RBFOX1: variants seen among roughly 807,000 people sequenced by gnomAD.
RBFOX1 encodes the protein RNA binding protein fox-1 homolog 1.
RBFOX1 carries 8 observed loss-of-function variants against 57.7 expected under a neutral mutation model. The observed-to-expected ratio is 0.14, with a 90% confidence interval of 0.08 to 0.25. The LOEUF (loss-of-function observed/expected upper bound fraction) is 0.25, where lower values mean the gene tolerates loss of function less well. RBFOX1 is among the 10% of genes least tolerant of loss of function. The probability of loss-of-function intolerance (pLI) is 1.00; values close to 1 mark genes in which losing one functional copy is unlikely to be tolerated. For missense variants in RBFOX1, 611 were observed against 548.5 expected, an observed-to-expected ratio of 1.11 and a Z score of -1.14; for synonymous variants, 326 against 222.4, an observed-to-expected ratio of 1.47 and a Z score of -4.15.
chr16:6,562,808 A>G (rs942457570), intron 2 of RBFOX1, among the ~76,000 whole-genome samples: 8 of 143,730 alleles, frequency 5.6e-5, no homozygotes, highest in African/African-American at 2.1e-4. Flanking sequence ...TGTGTAAGCA[A>G]CTGCAGGCCT....
At chr16:6,921,311 C>G (rs544871479) in intron 3 of RBFOX1, among the ~76,000 whole-genome samples, 10 of 152,314 alleles carry the variant, frequency 6.6e-5, no homozygotes, top group South Asian at 6.2e-4. Flanking sequence ...TTTGTTCATG[C>G]TCTCACATGA....
chr16:5,989,303 C>T (rs979497300), intron 4 of RBFOX1, among the ~76,000 whole-genome samples: 13 of 151,892 alleles, frequency 8.6e-5, no homozygotes, highest in East Asian at 5.8e-4. Flanking sequence ...TGCACTGCAG[C>T]CTGGGTGACA....
intron 2 of RBFOX1, among the ~76,000 whole-genome samples, chr16:6,608,578 C>G (rs909836125): frequency 2.3e-4 from 35 of 152,080 alleles, no homozygotes; most frequent in Admixed American, 1.4e-3. Flanking sequence ...CGCTTGAGAC[C>G]AGGAGTTTGA....
At chr16:6,999,690 T>C (rs990878151) in intron 3 of RBFOX1, among the ~76,000 whole-genome samples, 1 of 152,080 alleles carries the variant, frequency 6.6e-6, no homozygotes, top group African/African-American at 2.4e-5. Flanking sequence ...AATATACTAT[T>C]ATTATTAAAT....
chr16:6,676,783 C>T (rs1420784662), intron 3 of RBFOX1, among the ~76,000 whole-genome samples: 3 of 145,048 alleles, frequency 2.1e-5, no homozygotes, highest in African/African-American at 7.7e-5. Flanking sequence ...TGAAGCATTT[C>T]TCCTGCCTCA....
intron 3 of RBFOX1, among the ~76,000 whole-genome samples, chr16:6,730,978 T>C (rs2068435112): frequency 6.6e-6 from 1 of 152,174 alleles, no homozygotes; most frequent in Non-Finnish European, 1.5e-5. Flanking sequence ...GAGGAAACAC[T>C]GCTTTTGTTA....
chr16:6,733,160 C>G (rs375161699), intron 3 of RBFOX1, among the ~76,000 whole-genome samples: 7 of 152,168 alleles, frequency 4.6e-5, no homozygotes, highest in African/African-American at 1.7e-4. Context: ...TGAGAACAGC[C>G]AACCCCTCAT....
At chr16:7,196,205 A>G (rs2086657153) in intron 4 of RBFOX1, among the ~76,000 whole-genome samples, 1 of 152,288 alleles carries the variant, frequency 6.6e-6, no homozygotes, top group East Asian at 1.9e-4. Flanking sequence ...CCATAGTCAG[A>G]ATGGTAATAA....
At chr16:5,287,905 G>C (rs1043621227) in intron 1 of RBFOX1, among the ~76,000 whole-genome samples, 10 of 152,216 alleles carry the variant, frequency 6.6e-5, no homozygotes, top group African/African-American at 2.2e-4. Flanking sequence ...ATCCATTAAT[G>C]TACCTTAATC....
chr16:6,176,480 A>T (rs1254352856), intron 1 of RBFOX1, among the ~76,000 whole-genome samples: 2 of 151,240 alleles, frequency 1.3e-5, no homozygotes, highest in African/African-American at 4.9e-5. Context: ...GAATTTAGTT[A>T]AAGTTGCTGT....
intron 3 of RBFOX1, among the ~76,000 whole-genome samples, chr16:6,882,711 T>A (rs995684094): frequency 2.0e-5 from 3 of 152,146 alleles, no homozygotes; most frequent in Non-Finnish European, 4.4e-5. Context: ...TTGGGATATT[T>A]GGAGTCTGAC....
chr16:6,999,219 T>TA (rs2092564789), intron 3 of RBFOX1, among the ~76,000 whole-genome samples: 1 of 108,630 alleles, frequency 9.2e-6, no homozygotes, highest in African/African-American at 3.1e-5. Flanking sequence ...TTTATTTATT[T>TA]TTTTTATTTA....
At chr16:7,531,070 C>A (rs968848726) in intron 5 of RBFOX1, among the ~76,000 whole-genome samples, 1 of 151,980 alleles carries the variant, frequency 6.6e-6, no homozygotes, top group Admixed American at 6.6e-5. Context: ...ACCATCAGGA[C>A]CAGTTAATGT....
chr16:5,684,302 T>C (rs1452444682), intron 3 of RBFOX1, among the ~76,000 whole-genome samples: 2 of 152,144 alleles, frequency 1.3e-5, no homozygotes, highest in Middle Eastern at 3.2e-3. Flanking sequence ...GATATATATC[T>C]ATATCCTATG....
chr16:5,398,672 G>A (rs1251114951), intron 1 of RBFOX1, among the ~76,000 whole-genome samples: 1 of 152,104 alleles, frequency 6.6e-6, no homozygotes, highest in African/African-American at 2.4e-5. Flanking sequence ...TGGGAGGATA[G>A]CAAGGTTGAC....
chr16:7,649,384 G>A (rs982367725), intron 11 of RBFOX1, among the ~76,000 whole-genome samples: 2 of 152,094 alleles, frequency 1.3e-5, no homozygotes, highest in Non-Finnish European at 2.9e-5. Flanking sequence ...CTAAAGTCTG[G>A]GTCTGTTTAG....
At chr16:5,975,053 A>G (rs1463511738) in intron 4 of RBFOX1, among the ~76,000 whole-genome samples, 1 of 152,176 alleles carries the variant, frequency 6.6e-6, no homozygotes, top group Non-Finnish European at 1.5e-5. Flanking sequence ...AAAAACCAAA[A>G]TCACTTTAAA....
chr16:6,697,712 T>C (rs1409023816), intron 3 of RBFOX1, among the ~76,000 whole-genome samples: 7 of 152,134 alleles, frequency 4.6e-5, no homozygotes, highest in Non-Finnish European at 1.0e-4. Flanking sequence ...GGGATGATCC[T>C]TCCCCAAAGA....
At chr16:5,257,728 G>C (rs1053824719) in intron 1 of RBFOX1, among the ~76,000 whole-genome samples, 2 of 152,150 alleles carry the variant, frequency 1.3e-5, no homozygotes, top group African/African-American at 2.4e-5. Context: ...AGAGTCCCCA[G>C]TGTCAGCCTC....
Sources: allele counts gnomAD v4.1 joint callset (sites outside exome capture counted in the v4.1 genomes callset), GRCh38; gene constraint gnomAD v4.1.1; transcripts MANE v1.5; gene names NCBI Gene and HGNC (gene_info 2026-07-23, HGNC 2026-07-21).